ATP1A2: variants seen among roughly 807,000 people sequenced by gnomAD.
ATP1A2 encodes the protein ATPase Na+/K+ transporting subunit alpha 2.
ATP1A2 carries 56 observed loss-of-function variants against 113.1 expected under a neutral mutation model. The observed-to-expected ratio is 0.49, with a 90% CI of 0.40 to 0.62. The LOEUF is 0.62. ATP1A2 is among the 20% of genes least tolerant of loss of function. The pLI is 0.00. For synonymous variants in ATP1A2, 490 were observed against 526.8 expected (o/e 0.93, Z 0.96); for missense variants, 712 against 1,357.8 (o/e 0.52, Z 7.47).
intron 13 of ATP1A2, among the ~76,000 whole-genome samples, chr1:160,134,130 C>T (rs1040242158): frequency 4.9e-5 from 7 of 143,380 alleles, no homozygotes; most frequent in Non-Finnish European, 9.2e-5. Context: ...ACCCCACATA[C>T]ACACACACAC....
Position 160,123,266 on chromosome 1 carries a change from C to T in ATP1A2, c.231C>T (p.Ala77=). The change falls in exon 4 of 23, where the codon GCC becomes GCT. Residue 77 remains alanine, a synonymous_variant. Transcript: ENST00000361216. ...QDVLARDGPN[A]LTPPPTTPEW... ...TTCTGGCTCGAGATGGGCCCAACGC[C>T]CTCACACCACCTCCCACAACCCCTG... 6.2e-7 allele frequency: 1 copy of T among 1,614,222 alleles called. No homozygotes were observed. The highest frequency in any genetic ancestry group is 2.2e-5 in the East Asian group (1 of 44,876).
chr1:160,118,935 C>T (rs564873503), intron 1 of ATP1A2, among the ~76,000 whole-genome samples: 1 of 152,210 alleles, frequency 6.6e-6, no homozygotes, highest in African/African-American at 2.4e-5. Flanking sequence ...GGCAGTGAAG[C>T]TATTCCATAT....
intron 11 of ATP1A2, 78 bp downstream of exon 11, chr1:160,129,478 C>T (rs1007933737): frequency 1.9e-6 from 3 of 1,589,842 alleles, no homozygotes; most frequent in African/African-American, 2.7e-5. Context: ...GGGGAATCAT[C>T]ACTAGCAGGA....
intron 11 of ATP1A2, 37 bp from the exon 12 acceptor site, chr1:160,130,065 G>C (rs755593811): frequency 2.5e-6 from 4 of 1,613,706 alleles, no homozygotes; most frequent in Non-Finnish European, 3.4e-6. Flanking sequence ...ACCAAGACAA[G>C]TATGGCCCTC....
intron 14 of ATP1A2, 147 bp from the exon 15 acceptor site, chr1:160,134,998 G>A: frequency 9.9e-7 from 1 of 1,005,576 alleles, no homozygotes; most frequent in South Asian, 1.4e-5. Flanking sequence ...TGGGGGAAGT[G>A]AGTACTGAGG....
Position 160,139,973 on chromosome 1 carries a change from G to A in ATP1A2, c.3023G>A (p.Arg1008Gln), listed in dbSNP as rs781023681. The change falls in exon 22 of 23, where the codon CGG becomes CAG. Residue 1008 changes from arginine (R) to glutamine (Q), a missense_variant. This residue lies in a region of ATP1A2 where 188 missense variants were observed against 438.9 expected (regional missense o/e 0.43). Transcript: ENST00000361216. ...YDEVRKLILR[R>Q]YPGGWVEKET... Reference sequence around the variant, plus strand: ...GAGGTCCGAAAGCTCATCCTGCGGCGGTATCCTGGTGGTAAGCCCCTCCAC... The same window carrying A: ...GAGGTCCGAAAGCTCATCCTGCGGCAGTATCCTGGTGGTAAGCCCCTCCAC... The A allele has an allele frequency of 2.6e-5, 42 of 1,613,622 alleles. No individual in the cohort carries two copies. In the East Asian group the frequency reaches 5.1e-4, roughly 20 times the overall value.
In ATP1A2 at chr1:160,125,121, C is replaced by G; in HGVS notation, c.631-15C>G. On this transcript the variant is annotated splice_polypyrimidine_tract_variant and intron_variant, in intron 6 of 22. Transcript: ENST00000361216. ...GCTCTGCCAGTCTGATGACTATGCA[C>G]TCCTTCCTCCTCAGGTGGATAACTC... The G allele has an allele frequency of 6.2e-7, 1 of 1,610,722 alleles. No homozygotes were observed.
intron 1 of ATP1A2, among the ~76,000 whole-genome samples, chr1:160,119,209 T>C (rs1452269606): frequency 1.5e-5 from 2 of 129,300 alleles, no homozygotes; most frequent in African/African-American, 3.1e-5. Flanking sequence ...CCAAAAAAAG[T>C]ATATTTTTTA....
chr1:160,136,537 A>ATCCTGC (rs1651957266), intron 18 of ATP1A2, 33 bp from the exon 19 acceptor site: 1 of 1,614,026 alleles, frequency 6.2e-7, no homozygotes, highest in Non-Finnish European at 8.5e-7. Context: ...TCCTGCTCTG[A>ATCCTGC]CCCTGCCCCT....
chr1:160,120,873 C>A (rs114284892), intron 1 of ATP1A2, 33 bp from the exon 2 acceptor site: 7 of 1,521,262 alleles, frequency 4.6e-6, no homozygotes, highest in Non-Finnish European at 5.3e-6. Context: ...CCCCTCTCTT[C>A]CCTGACTCTC....
At chr1:160,131,501 C>T (rs1651770155) in intron 13 of ATP1A2, among the ~76,000 whole-genome samples, 1 of 152,130 alleles carries the variant, frequency 6.6e-6, no homozygotes, top group Non-Finnish European at 1.5e-5. Context: ...ACCACTCTGT[C>T]TCCGAGGCAG....
At chr1:160,128,502 T>C (rs191137590) in intron 8 of ATP1A2, 150 bp from the exon 9 acceptor site, 2 of 1,541,028 alleles carry the variant, frequency 1.3e-6, no homozygotes, top group East Asian at 2.4e-5. Context: ...ACATCTAAAA[T>C]TGAACATTCA....
chr1:160,136,507 G>A (rs568986463), intron 18 of ATP1A2, 63 bp from the exon 19 acceptor site: 2 of 1,613,722 alleles, frequency 1.2e-6, no homozygotes, highest in South Asian at 2.2e-5. Context: ...CTGGCCCTGA[G>A]GGGCTGTGCC....
intron 6 of ATP1A2, 91 bp from the exon 7 acceptor site, chr1:160,125,045 G>C (rs531257404): frequency 1.5e-5 from 15 of 991,072 alleles, no homozygotes; most frequent in Non-Finnish European, 2.4e-5. Flanking sequence ...GTGTCATGAA[G>C]ATTGAGTGTG....
intron 8 of ATP1A2, 117 bp from the exon 9 acceptor site, chr1:160,128,535 C>CA (rs1183671564): frequency 6.4e-7 from 1 of 1,565,272 alleles, no homozygotes; most frequent in African/African-American, 1.4e-5. Context: ...AAGTCCCACC[C>CA]ATTCAAGTTA....
chr1:160,123,901 TG>T, intron 4 of ATP1A2, 41 bp from the exon 5 acceptor site: 2 of 1,586,434 alleles, frequency 1.3e-6, no homozygotes, highest in Non-Finnish European at 1.7e-6. Context: ...CCTTTAGGGT[TG>T]GGGGGAAGGT....
chr1:160,130,403 C>T lies in ATP1A2; in HGVS notation c.1652-19C>T, dbSNP rs1344017943. 6.2e-7 allele frequency: 1 copy of T among 1,614,216 alleles called. No homozygotes were observed. The highest frequency in any genetic ancestry group is 8.5e-7 in the Non-Finnish European group (1 of 1,180,036). ...AAGCCACTCTGCGGATCTCACTGAT[C>T]CCTTCTGCCCCCCTTTAGGATTCTG... On this transcript the variant is annotated intron_variant, in intron 12 of 22. Coordinates refer to ENST00000361216, the MANE Select transcript of ATP1A2 (RefSeq NM_000702.4).
rs907277477 is a variant in ATP1A2, at chr1:160,136,684, A to G, written c.2678A>G (p.Asn893Ser). 1 of 1,614,222 alleles carries G rather than the reference A, an allele frequency of 6.2e-7. No homozygotes were observed. The highest frequency in any genetic ancestry group is 8.5e-7 in the Non-Finnish European group (1 of 1,180,032). Residue 893 changes from asparagine to serine, a missense_variant, in exon 19 of 23, where the codon AAT becomes AGT. Around this residue, in one of 6 missense-constraint regions of ATP1A2, gnomAD observed 188 missense variants for 438.9 expected, o/e 0.43. Transcript: ENST00000361216. ...IRLDWDDRTM[N>S]DLEDSYGQEW... The stretch of plus-strand genomic sequence containing the variant: ...CTCGACTGGGATGACCGGACCATGA[A>G]TGATCTGGAGGACAGCTATGGACAG...
chr1:160,121,655 T>C (rs1206943742), intron 3 of ATP1A2, among the ~76,000 whole-genome samples: 2 of 152,246 alleles, frequency 1.3e-5, no homozygotes, highest in African/African-American at 4.8e-5. Flanking sequence ...ATATGTGACA[T>C]TGTGATAGAT....
Sources: gnomAD v4.1 joint callset for allele counts (sites outside exome capture counted in the v4.1 genomes callset) on GRCh38, gnomAD v4.1.1 for gene constraint, gnomAD v4.1.1 regional missense constraint, MANE v1.5 for transcripts, NCBI Gene and HGNC (gene_info 2026-07-23, HGNC 2026-07-21) for gene names.